The following WDFY2 variants were observed in gnomAD, a reference collection of about 807,000 sequenced individuals.
The protein encoded by WDFY2 is WD repeat and FYVE domain containing 2, also known as WD repeat and FYVE domain-containing protein 2.
WDFY2 carries 36 observed loss-of-function variants against 56.4 expected under a neutral mutation model. The observed-to-expected ratio is 0.64, with a 90% CI of 0.49 to 0.84. The LOEUF (loss-of-function observed/expected upper bound fraction) is 0.84. Among genes scored for constraint, WDFY2 ranks in the 40% least tolerant of loss-of-function variants. The pLI is 0.00. For missense variants in WDFY2, 444 were observed against 512.2 expected, an observed-to-expected ratio of 0.87 and a Z score of 1.29; for synonymous variants, 176 against 183.7, an observed-to-expected ratio of 0.96 and a Z score of 0.34.
chr13:51,588,931 A>C (rs796505246), intron 1 of WDFY2: 93 of 152,284 alleles, frequency 6.1e-4, no homozygotes, highest in African/African-American at 2.2e-3. Flanking sequence ...TAGGAGAGAT[A>C]ACTATAGAGA....
chr13:51,597,550 ATCTG>A (rs1469443639), intron 1 of WDFY2, among the ~76,000 whole-genome samples: 8 of 152,216 alleles, frequency 5.3e-5, no homozygotes, highest in Non-Finnish European at 1.0e-4. Context: ...TAAAAAGTTT[ATCTG>A]TCTGTTGCTT....
intron 1 of WDFY2, among the ~76,000 whole-genome samples, chr13:51,645,762 T>C (rs896174813): frequency 6.6e-6 from 1 of 152,200 alleles, no homozygotes; most frequent in Non-Finnish European, 1.5e-5. Flanking sequence ...CCCTTAACTC[T>C]TGGTGTTTGT....
At chr13:51,670,297 GTT>G (rs1955783144) in intron 2 of WDFY2, among the ~76,000 whole-genome samples, 1 of 151,982 alleles carries the variant, frequency 6.6e-6, no homozygotes, top group Admixed American at 6.6e-5. Context: ...GTGTCAATCT[GTT>G]TACTCCTCTG....
chr13:51,670,301 ACT>A (rs1955783489), intron 2 of WDFY2, among the ~76,000 whole-genome samples: 1 of 151,882 alleles, frequency 6.6e-6, no homozygotes, highest in Admixed American at 6.6e-5. Flanking sequence ...CAATCTGTTT[ACT>A]CCTCTGATCC....
chr13:51,728,813 C>A (rs529422346), intron 6 of WDFY2, among the ~76,000 whole-genome samples: 1 of 152,128 alleles, frequency 6.6e-6, no homozygotes, highest in South Asian at 2.1e-4. Context: ...GACTGAATTT[C>A]TTTTTTAGCC....
rs563888154 is a variant in WDFY2, at chr13:51,632,964, G to A, written c.138-27632G>A. The stretch of plus-strand genomic sequence containing the variant: ...ATTCCAGGCAAAAATAGGGAAAAAC[G>A]TTAGATTTACTGTGATTTTTTTTAT... On this transcript the variant is annotated intron_variant, in intron 1 of 11. Coordinates refer to ENST00000298125, the MANE Select transcript of WDFY2 (RefSeq NM_052950.4). Among the ~76,000 whole-genome samples, 9 of 152,278 alleles carry A rather than the reference G, an allele frequency of 5.9e-5. No homozygotes were observed. The South Asian group carries it at 8.3e-4, about 14-fold the overall frequency.
At chr13:51,669,962 G>A (rs1199086592) in intron 2 of WDFY2, among the ~76,000 whole-genome samples, 1 of 152,194 alleles carries the variant, frequency 6.6e-6, no homozygotes, top group East Asian at 1.9e-4. Context: ...GTGGAGGGCA[G>A]CTGTATTATA....
chr13:51,672,629 C>T (rs1449945880), intron 2 of WDFY2, among the ~76,000 whole-genome samples: 2 of 152,016 alleles, frequency 1.3e-5, no homozygotes, highest in Non-Finnish European at 2.9e-5. Flanking sequence ...TTGTTGATTG[C>T]TTTTGGCGGT....
chr13:51,610,441 A>G (rs1298655759), intron 1 of WDFY2, among the ~76,000 whole-genome samples: 1 of 152,132 alleles, frequency 6.6e-6, no homozygotes, highest in Non-Finnish European at 1.5e-5. Flanking sequence ...TTTTTGTATG[A>G]AATTACTGGA....
intron 1 of WDFY2, chr13:51,599,471 T>C: frequency 6.3e-6 from 1 of 158,158 alleles, no homozygotes; most frequent in Non-Finnish European, 1.4e-5. Flanking sequence ...TTAATGTATC[T>C]ATCCCAGTTG....
At chr13:51,617,356 T>C (rs1954637565) in intron 1 of WDFY2, among the ~76,000 whole-genome samples, 1 of 152,094 alleles carries the variant, frequency 6.6e-6, no homozygotes, top group South Asian at 2.1e-4. Flanking sequence ...CTTTTTTTTT[T>C]TGAGATGTAG....
chr13:51,602,282 T>C (rs1157740739), intron 1 of WDFY2, among the ~76,000 whole-genome samples: 1 of 152,252 alleles, frequency 6.6e-6, no homozygotes, highest in Non-Finnish European at 1.5e-5. Flanking sequence ...AGTGCAACTT[T>C]TTCCGTGTTT....
intron 6 of WDFY2, among the ~76,000 whole-genome samples, chr13:51,737,415 C>T (rs554229957): frequency 5.9e-5 from 9 of 151,986 alleles, no homozygotes; most frequent in African/African-American, 1.9e-4. Flanking sequence ...ATCATTTGCC[C>T]ATTTGTCCAG....
rs1286467136 is a variant in WDFY2 at position 51,693,554 on chromosome 13, G to T, written c.280-10042G>T. Among the ~76,000 whole-genome samples, 7 of 152,252 alleles carry T rather than the reference G, an allele frequency of 4.6e-5. No individual in the cohort carries two copies. The East Asian group carries it at 1.3e-3, about 29-fold the overall frequency. ...TGCACTGTGGTCTGAGAGACAGTTT[G>T]TTATAATTTCTGTTCTTTTACATTT... is the stretch of plus-strand genomic sequence containing the variant. On this transcript the variant is annotated intron_variant, in intron 3 of 11. Transcript: ENST00000298125.
intron 6 of WDFY2, among the ~76,000 whole-genome samples, chr13:51,731,754 AC>A (rs1952727639): frequency 6.6e-6 from 1 of 152,150 alleles, no homozygotes; most frequent in Admixed American, 6.5e-5. Flanking sequence ...CAAAATGAAC[AC>A]CCTAAAGTTA....
intron 7 of WDFY2, among the ~76,000 whole-genome samples, chr13:51,750,576 C>G (rs974024383): frequency 6.6e-6 from 1 of 150,782 alleles, no homozygotes; most frequent in Non-Finnish European, 1.5e-5. Flanking sequence ...GTACCCTATT[C>G]TCTCACCCAA....
chr13:51,710,159 T>G (rs1334770740), intron 4 of WDFY2, among the ~76,000 whole-genome samples: 14 of 152,030 alleles, frequency 9.2e-5, no homozygotes, highest in African/African-American at 3.1e-4. Flanking sequence ...ACGTAATCCA[T>G]CATATAAACA....
chr13:51,608,678 TAAAAAA>T (rs969982455), intron 1 of WDFY2, among the ~76,000 whole-genome samples: 44 of 152,234 alleles, frequency 2.9e-4, no homozygotes, highest in African/African-American at 7.0e-4. Flanking sequence ...GAGACTGTCT[TAAAAAA>T]AGAAAAAGAA....
chr13:51,713,599 G>C (rs912038945), intron 4 of WDFY2, among the ~76,000 whole-genome samples: 1 of 152,204 alleles, frequency 6.6e-6, no homozygotes, highest in Non-Finnish European at 1.5e-5. Flanking sequence ...AAGGCCAGGC[G>C]TAGTGGCTCA....
Sources: allele counts gnomAD v4.1 joint callset (sites outside exome capture counted in the v4.1 genomes callset), GRCh38; gene constraint gnomAD v4.1.1; transcripts MANE v1.5; gene names NCBI Gene and HGNC (gene_info 2026-07-23, HGNC 2026-07-21).